The following MYO16 variants were observed in gnomAD, a reference collection of about 807,000 sequenced individuals.
MYO16 encodes the protein unconventional myosin-XVI.
Under a neutral mutation model 205.3 loss-of-function variants are expected in MYO16, and 94 were observed. That is an observed-to-expected ratio of 0.46 (90% CI 0.39 to 0.54). The LOEUF (loss-of-function observed/expected upper bound fraction) is 0.54. Among genes scored for constraint, MYO16 ranks in the 20% least tolerant of loss-of-function variants. The pLI is 0.00. For synonymous variants in MYO16, 988 were observed against 954.0 expected, an observed-to-expected ratio of 1.04 and a Z score of -0.66; for missense variants, 2,315 against 2,387.5, an observed-to-expected ratio of 0.97 and a Z score of 0.63.
At chr13:108,594,450 C>T (rs995229280), upstream of MYO16, among the ~76,000 whole-genome samples, 2 of 152,194 alleles carry the variant, frequency 1.3e-5, no homozygotes, top group African/African-American at 2.4e-5. Flanking sequence ...TGCCTGCTTC[C>T]CTCATTCTTT....
intron 1 of MYO16, among the ~76,000 whole-genome samples, chr13:108,631,166 C>T (rs774921466): frequency 1.3e-5 from 2 of 152,232 alleles, no homozygotes; most frequent in Admixed American, 6.5e-5. Flanking sequence ...TCGTGTTTTA[C>T]TGCACTAGCA....
chr13:108,553,648 C>G, the MYO16 span, among the ~76,000 whole-genome samples: 1 of 152,156 alleles, frequency 6.6e-6, no homozygotes, highest in African/African-American at 2.4e-5. Flanking sequence ...GTTATTCCCA[C>G]GGTTGGAATA....
the MYO16 span, among the ~76,000 whole-genome samples, chr13:108,519,650 C>T: frequency 8.1e-6 from 1 of 123,424 alleles, no homozygotes; most frequent in East Asian, 3.2e-4. Context: ...CACACACACC[C>T]ACACACACAC....
intron 4 of MYO16, among the ~76,000 whole-genome samples, chr13:108,741,074 G>T (rs547271771): frequency 6.6e-6 from 1 of 152,084 alleles, no homozygotes; most frequent in Non-Finnish European, 1.5e-5. Flanking sequence ...CTGACCCCTT[G>T]TGCTTCCCAG....
At chr13:108,518,479 C>G in the MYO16 span, among the ~76,000 whole-genome samples, 1 of 152,030 alleles carries the variant, frequency 6.6e-6, no homozygotes, top group Non-Finnish European at 1.5e-5. Flanking sequence ...GTCTCCTTTT[C>G]CAGGAAGGCA....
At chr13:108,656,454 G>A (rs1437888164) in intron 1 of MYO16, among the ~76,000 whole-genome samples, 2 of 152,070 alleles carry the variant, frequency 1.3e-5, no homozygotes, top group African/African-American at 2.4e-5. Context: ...CATGAAAATG[G>A]ACTAATATAC....
At chr13:109,110,688 G>A (rs1889259340) in intron 28 of MYO16, among the ~76,000 whole-genome samples, 2 of 152,188 alleles carry the variant, frequency 1.3e-5, no homozygotes, top group South Asian at 2.1e-4. Context: ...TTTCTATTTA[G>A]TAGCTTTTCA....
In MYO16 at chr13:109,148,988, GGAA is replaced by G. The variant is rs1243532466; in HGVS notation, c.5164+7617_5164+7619del. 2.6e-5 allele frequency among the ~76,000 whole-genome samples: 4 copies of G among 152,268 alleles called. No individual in the cohort carries two copies. The South Asian group carries it at 6.2e-4, about 24-fold the overall frequency. ...TTAGAATATAGCCATGCATTTTTGA[GGAA>G]GAAGGAGGAGAAAATGACTTTCCTT... On this transcript the variant is annotated intron_variant, in intron 32 of 34. Coordinates refer to ENST00000457511, the MANE Select transcript of MYO16 (RefSeq NM_001198950.3).
intron 32 of MYO16, among the ~76,000 whole-genome samples, chr13:109,158,811 T>G (rs757257175): frequency 2.6e-5 from 4 of 152,210 alleles, no homozygotes; most frequent in Non-Finnish European, 4.4e-5. Flanking sequence ...TAAATCAAAG[T>G]ATACGTTTAC....
At chr13:108,906,788 T>C (rs1880999761) in intron 15 of MYO16, among the ~76,000 whole-genome samples, 1 of 152,146 alleles carries the variant, frequency 6.6e-6, no homozygotes, top group African/African-American at 2.4e-5. Flanking sequence ...ACTTGCGTCT[T>C]TTCTTCTTCA....
chr13:108,888,836 C>T (rs577254749), intron 14 of MYO16, among the ~76,000 whole-genome samples: 54 of 152,112 alleles, frequency 3.6e-4, no homozygotes, highest in Admixed American at 1.5e-3. Flanking sequence ...ATGTGAATCA[C>T]CTGAGGTCAG....
In MYO16 at chr13:108,789,274, T is replaced by C. The variant is rs533199133; in HGVS notation, c.616+3531T>C. ...GCCAATTCTTACAGATTCTCCTTAT[T>C]TGATATCCTTCTAATATGTCCACCC... On this transcript the variant is annotated intron_variant, in intron 5 of 34. Coordinates refer to ENST00000457511, the MANE Select transcript of MYO16 (RefSeq NM_001198950.3). Among the ~76,000 whole-genome samples the C allele has an allele frequency of 4.6e-5, 7 of 152,316 alleles. 1 individual carries two copies. The highest frequency in any genetic ancestry group is 1.4e-4 in the African/African-American group (6 of 41,568).
intron 9 of MYO16, among the ~76,000 whole-genome samples, chr13:108,838,356 T>C (rs1161215852): frequency 2.0e-5 from 3 of 151,420 alleles, no homozygotes; most frequent in Non-Finnish European, 4.4e-5. Flanking sequence ...ACTCAAATTA[T>C]AAAAAAAATA....
intron 2 of MYO16, among the ~76,000 whole-genome samples, chr13:108,683,447 AACCTTATAGTCCATG>A (rs1245078676): frequency 1.3e-5 from 2 of 152,180 alleles, no homozygotes; most frequent in African/African-American, 4.8e-5. Context: ...AAAATACCCA[AACCTTATAGTCCATG>A]ACCTAACTCT....
chr13:109,066,410 G>A (rs2139638514), intron 27 of MYO16, among the ~76,000 whole-genome samples: 1 of 152,300 alleles, frequency 6.6e-6, no homozygotes, highest in Middle Eastern at 3.4e-3. Context: ...TGCTGAAACT[G>A]TTCTTGAGTG....
intron 16 of MYO16, among the ~76,000 whole-genome samples, chr13:108,920,649 G>T (rs1008966775): frequency 1.3e-5 from 2 of 152,062 alleles, no homozygotes; most frequent in Non-Finnish European, 2.9e-5. Flanking sequence ...AGTAGAGACG[G>T]GGTTTCACCA....
At chr13:108,894,105 GGA>G (rs1282263525) in intron 14 of MYO16, among the ~76,000 whole-genome samples, 1 of 152,180 alleles carries the variant, frequency 6.6e-6, no homozygotes, top group African/African-American at 2.4e-5. Context: ...CATGATGGCA[GGA>G]GAGAGAGCAT....
chr13:108,595,533 G>T (rs117480077), upstream of MYO16, among the ~76,000 whole-genome samples: 1 of 152,170 alleles, frequency 6.6e-6, no homozygotes, highest in Admixed American at 6.5e-5. Flanking sequence ...TTAGTGGAAG[G>T]TTAATCAGGT....
chr13:109,145,553 A>G (rs1044807599), intron 32 of MYO16, among the ~76,000 whole-genome samples: 1 of 152,242 alleles, frequency 6.6e-6, no homozygotes, highest in Non-Finnish European at 1.5e-5. Flanking sequence ...TAAAATTAAT[A>G]TTGACTAAAT....
Sources: allele counts gnomAD v4.1 joint callset (sites outside exome capture counted in the v4.1 genomes callset), GRCh38; gene constraint gnomAD v4.1.1; transcripts MANE v1.5; gene names NCBI Gene and HGNC (gene_info 2026-07-23, HGNC 2026-07-21).